FGGY: variants seen among roughly 807,000 people sequenced by gnomAD.
FGGY encodes the protein FGGY carbohydrate kinase domain containing, also known as FGGY carbohydrate kinase domain-containing protein.
A neutral mutation model predicts 71.3 loss-of-function variants in FGGY; 72 were observed. The observed-to-expected ratio is 1.01, with a 90% CI of 0.84 to 1.23. FGGY has a LOEUF of 1.23. Among genes scored for constraint, FGGY ranks in the 50% most tolerant of loss-of-function variants. The pLI is 0.00. For synonymous variants in FGGY, 251 were observed against 250.3 expected, an observed-to-expected ratio of 1.00 and a Z score of -0.02; for missense variants, 668 against 682.3, an observed-to-expected ratio of 0.98 and a Z score of 0.23.
intron 14 of FGGY, chr1:59,680,690 A>G (rs1458787627): frequency 6.6e-6 from 1 of 152,204 alleles, no homozygotes; most frequent in Non-Finnish European, 1.5e-5. Flanking sequence ...GTGATCCAAG[A>G]ACAGGACCTG....
chr1:59,668,374 G>A (rs934718037), intron 13 of FGGY, among the ~76,000 whole-genome samples: 1 of 152,188 alleles, frequency 6.6e-6, no homozygotes, highest in Non-Finnish European at 1.5e-5. Context: ...GAGGGAAAGT[G>A]GGGAAGGGTT....
chr1:59,334,632 C>T (rs1461001130), intron 2 of FGGY, among the ~76,000 whole-genome samples: 1 of 151,948 alleles, frequency 6.6e-6, no homozygotes, highest in Non-Finnish European at 1.5e-5. Flanking sequence ...ATGTGAAGCT[C>T]TTGTTTGAGG....
rs141421612 is a variant in FGGY at position 59,414,483 on chromosome 1, G to A, written c.554+35646G>A. Among the ~76,000 whole-genome samples the A allele has an allele frequency of 2.1e-4, 32 of 152,346 alleles. No homozygotes were observed. The East Asian group carries it at 6.0e-3, about 28-fold the overall frequency. On this transcript the variant is annotated intron_variant, in intron 5 of 15. Coordinates refer to ENST00000303721, the MANE Select transcript of FGGY (RefSeq NM_018291.5). ...AGCTGCCATTGTGAGGCAGCATTAAGGTGGGAGAGGACCCTCTGGAGTTCA... is the reference window on the plus strand; with the variant it reads ...AGCTGCCATTGTGAGGCAGCATTAAAGTGGGAGAGGACCCTCTGGAGTTCA...
At chr1:59,644,074 C>T (rs763281127) in intron 11 of FGGY, among the ~76,000 whole-genome samples, 1 of 152,196 alleles carries the variant, frequency 6.6e-6, no homozygotes, top group African/African-American at 2.4e-5. Flanking sequence ...AACCTTGTGG[C>T]TTGTCCTCCC....
intron 14 of FGGY, among the ~76,000 whole-genome samples, chr1:59,731,684 G>T (rs1031276072): frequency 3.3e-5 from 5 of 152,182 alleles, no homozygotes; most frequent in African/African-American, 1.2e-4. Flanking sequence ...TAAGTTGTTA[G>T]TGACAGTCTG....
At chr1:59,477,661 A>C (rs1014654686) in intron 6 of FGGY, among the ~76,000 whole-genome samples, 1 of 152,210 alleles carries the variant, frequency 6.6e-6, no homozygotes, top group East Asian at 1.9e-4. Context: ...AGCTGTTGAA[A>C]TGTACAATCT....
At chr1:59,434,560 A>G (rs1045712406) in intron 5 of FGGY, among the ~76,000 whole-genome samples, 8 of 152,336 alleles carry the variant, frequency 5.3e-5, no homozygotes, top group African/African-American at 9.6e-5. Flanking sequence ...AAAAAATGCC[A>G]TAGACTGGGT....
intron 8 of FGGY, among the ~76,000 whole-genome samples, chr1:59,589,749 G>T (rs2096390563): frequency 6.6e-6 from 1 of 152,048 alleles, no homozygotes; most frequent in African/African-American, 2.4e-5. Flanking sequence ...CGAGAACAAA[G>T]ACACAACATA....
intron 13 of FGGY, 46 bp downstream of exon 13, chr1:59,667,449 C>T: frequency 6.2e-7 from 1 of 1,604,782 alleles, no homozygotes; most frequent in Non-Finnish European, 8.5e-7. Flanking sequence ...GGCTTGGCAG[C>T]AAATGGGCAT....
chr1:59,523,993 C>A (rs2094906854), intron 7 of FGGY, among the ~76,000 whole-genome samples: 1 of 152,220 alleles, frequency 6.6e-6, no homozygotes, highest in African/African-American at 2.4e-5. Flanking sequence ...GCCCCATGCT[C>A]CCAGGCACAT....
At chr1:59,349,760 T>A (rs896390458) in intron 4 of FGGY, among the ~76,000 whole-genome samples, 5 of 151,996 alleles carry the variant, frequency 3.3e-5, no homozygotes, top group African/African-American at 1.2e-4. Flanking sequence ...AAGAGATTTC[T>A]AAAGTCAGTT....
intron 6 of FGGY, among the ~76,000 whole-genome samples, chr1:59,468,300 G>A (rs1477207367): frequency 6.6e-6 from 1 of 152,110 alleles, no homozygotes; most frequent in African/African-American, 2.4e-5. Flanking sequence ...CCTTAATTCA[G>A]TGTTCACTGT....
chr1:59,296,643 C>T (rs58210787), upstream of FGGY: 49,553 of 99,478 alleles, frequency 0.5, 13,395 homozygotes, highest in Non-Finnish European at 0.57. Context: ...AATCAGGCCG[C>T]GCTTTACAGG....
chr1:59,638,266 A>G lies in FGGY; in HGVS notation c.1112A>G (p.Asp371Gly). ...TATGCATATTTGAACAGTCACCTGGATCTGATTAAGAAGGCTCAGCCTGTG... is the reference window on the plus strand; with the variant it reads ...TATGCATATTTGAACAGTCACCTGGGTCTGATTAAGAAGGCTCAGCCTGTG... ...SIYAYLNSHLDLIKKAQPVGF... is the reference protein window; with the variant it reads ...SIYAYLNSHLGLIKKAQPVGF... The change falls in exon 11 of 16, where the codon GAT becomes GGT. Residue 371 changes from aspartate (D) to glycine (G), a missense_variant. Coordinates refer to ENST00000303721, the MANE Select transcript of FGGY (RefSeq NM_018291.5). 1 of 1,614,150 alleles carries G rather than the reference A, an allele frequency of 6.2e-7. No homozygotes were observed. The highest frequency in any genetic ancestry group is 8.5e-7 in the Non-Finnish European group (1 of 1,180,024).
intron 6 of FGGY, among the ~76,000 whole-genome samples, chr1:59,499,299 G>GTTTTT (rs58170089): frequency 9.5e-6 from 1 of 105,802 alleles, no homozygotes; most frequent in Non-Finnish European, 1.8e-5. Flanking sequence ...TACTATGTTT[G>GTTTTT]TTTTTTTTTT....
intron 5 of FGGY, among the ~76,000 whole-genome samples, chr1:59,419,303 AC>A (rs1360932771): frequency 1.3e-5 from 2 of 152,106 alleles, no homozygotes; most frequent in African/African-American, 4.8e-5. Flanking sequence ...GTAAAAAAAT[AC>A]CAGTTAAGCT....
intron 7 of FGGY, among the ~76,000 whole-genome samples, chr1:59,523,429 T>C (rs2094890490): frequency 6.6e-6 from 1 of 152,248 alleles, no homozygotes; most frequent in Non-Finnish European, 1.5e-5. Context: ...TTCTTCCTTA[T>C]TATCTCTCCA....
intron 12 of FGGY, among the ~76,000 whole-genome samples, chr1:59,663,200 G>C (rs2097293708): frequency 6.6e-6 from 1 of 152,188 alleles, no homozygotes; most frequent in Admixed American, 6.5e-5. Flanking sequence ...TCATTTTACA[G>C]ACAAGGGGAG....
At chr1:59,551,539 A>G (rs1183028441) in intron 7 of FGGY, among the ~76,000 whole-genome samples, 2 of 152,110 alleles carry the variant, frequency 1.3e-5, no homozygotes, top group Non-Finnish European at 2.9e-5. Flanking sequence ...CAGAATCAAT[A>G]TATTTAAGAT....
Sources: gnomAD v4.1 joint callset for allele counts (sites outside exome capture counted in the v4.1 genomes callset) on GRCh38, gnomAD v4.1.1 for gene constraint, MANE v1.5 for transcripts, NCBI Gene and HGNC (gene_info 2026-07-23, HGNC 2026-07-21) for gene names.